The following EPB41L5 variants were observed in gnomAD, a reference collection of about 807,000 sequenced individuals.
The protein encoded by EPB41L5 is erythrocyte membrane protein band 4.1 like 5, also known as band 4.1-like protein 5.
EPB41L5 carries 55 observed loss-of-function variants against 106.6 expected under a neutral mutation model. That is an observed-to-expected ratio of 0.52 (90% CI 0.42 to 0.65). The LOEUF is 0.65. Ranked by LOEUF, EPB41L5 falls within the 30% of genes least tolerant of loss-of-function variation. EPB41L5 has a pLI of 0.00. For synonymous variants in EPB41L5, 297 were observed against 306.7 expected (o/e 0.97, Z 0.33); for missense variants, 871 against 882.1 (o/e 0.99, Z 0.16).
At chr2:120,029,336 T>A (rs1462876417) in intron 2 of EPB41L5, among the ~76,000 whole-genome samples, 1 of 152,168 alleles carries the variant, frequency 6.6e-6, no homozygotes, top group African/African-American at 2.4e-5. Context: ...CAGCTAATTT[T>A]TGTATTTTTA....
intron 14 of EPB41L5, among the ~76,000 whole-genome samples, chr2:120,096,885 C>T (rs1483455561): frequency 6.6e-6 from 1 of 152,070 alleles, no homozygotes; most frequent in Non-Finnish European, 1.5e-5. Flanking sequence ...GTCTTGCTTT[C>T]CTGAAAAGGA....
At chr2:120,085,110 C>T (rs1244417319) in intron 10 of EPB41L5, among the ~76,000 whole-genome samples, 1 of 152,048 alleles carries the variant, frequency 6.6e-6, no homozygotes, top group East Asian at 1.9e-4. Context: ...TCATCTGAAG[C>T]CTTCTCTCAA....
intron 19 of EPB41L5, among the ~76,000 whole-genome samples, chr2:120,144,523 A>T (rs934798221): frequency 2.0e-5 from 3 of 152,224 alleles, no homozygotes; most frequent in South Asian, 2.1e-4. Flanking sequence ...AAGTAAAGGG[A>T]TTTGATTTTA....
intron 16 of EPB41L5, among the ~76,000 whole-genome samples, chr2:120,107,637 G>C (rs1684527407): frequency 6.6e-6 from 1 of 152,130 alleles, no homozygotes; most frequent in African/African-American, 2.4e-5. Context: ...TGATTTGTCA[G>C]ATCCTTTCTA....
At chr2:120,116,701 T>A (rs977563993) in intron 16 of EPB41L5, among the ~76,000 whole-genome samples, 11 of 152,082 alleles carry the variant, frequency 7.2e-5, no homozygotes, top group Non-Finnish European at 1.3e-4. Flanking sequence ...TTATTTTTTT[T>A]TATTTTTTGT....
At chr2:120,116,896 GA>G (rs777719208) in intron 16 of EPB41L5, among the ~76,000 whole-genome samples, 4 of 152,020 alleles carry the variant, frequency 2.6e-5, no homozygotes. Context: ...GTGTGTTTGT[GA>G]AAACAGTACC....
chr2:120,104,282 T>C (rs1254726675), intron 16 of EPB41L5: 2 of 1,517,336 alleles, frequency 1.3e-6, no homozygotes, highest in South Asian at 1.3e-5. Context: ...GTCATGCAAG[T>C]TGATGGTATA....
intron 10 of EPB41L5, among the ~76,000 whole-genome samples, chr2:120,083,813 G>C (rs1415703708): frequency 6.6e-6 from 1 of 152,184 alleles, no homozygotes; most frequent in Non-Finnish European, 1.5e-5. Context: ...ATTTAGGATA[G>C]TTAGCTCTTC....
chr2:120,177,657 T>A lies in EPB41L5; in HGVS notation c.*2750T>A, dbSNP rs947504498. On this transcript the variant is annotated 3_prime_UTR_variant, in exon 25 of 25. Coordinates refer to ENST00000263713, the MANE Select transcript of EPB41L5 (RefSeq NM_020909.4). ...GTCATGGTCATTTCATTCCTACTCT[T>A]CAGGAGACACTGCTGAACAGAGGAA... 1.3e-5 allele frequency: 2 copies of A among 152,236 alleles called. No homozygotes were observed. The highest frequency in any genetic ancestry group is 2.9e-5 in the Non-Finnish European group (2 of 68,030). 9.4% of individuals were successfully genotyped at this position (152,236 alleles called of 1,614,324 possible).
At chr2:120,131,808 G>C in intron 18 of EPB41L5, 93 bp downstream of exon 18, 1 of 932,618 alleles carries the variant, frequency 1.1e-6, no homozygotes, top group East Asian at 2.5e-5. Context: ...TTTTTCTTTA[G>C]CTGGGAAATC....
intron 1 of EPB41L5, among the ~76,000 whole-genome samples, chr2:120,015,296 C>A (rs1467368640): frequency 6.6e-5 from 10 of 150,710 alleles, no homozygotes; most frequent in African/African-American, 2.4e-4. Flanking sequence ...CACTGCACTT[C>A]AGCCTGGGCA....
chr2:120,166,524 A>T (rs2105556138), intron 22 of EPB41L5, among the ~76,000 whole-genome samples: 1 of 151,570 alleles, frequency 6.6e-6, no homozygotes, highest in Admixed American at 6.6e-5. Flanking sequence ...AGCTCACTGC[A>T]ACCTCCGCCT....
chr2:120,014,148 GC>G (rs1463793582), intron 1 of EPB41L5, among the ~76,000 whole-genome samples: 2 of 152,164 alleles, frequency 1.3e-5, no homozygotes, highest in African/African-American at 2.4e-5. Flanking sequence ...ATGTTATATT[GC>G]TTTATCAAAA....
At chr2:120,089,352 C>T (rs1045235977) in intron 11 of EPB41L5, among the ~76,000 whole-genome samples, 4 of 152,002 alleles carry the variant, frequency 2.6e-5, no homozygotes, top group Non-Finnish European at 5.9e-5. Context: ...TCTTCTGGTA[C>T]CTGGTCACCA....
At chr2:120,071,904 G>A (rs1681895562) in intron 3 of EPB41L5, among the ~76,000 whole-genome samples, 1 of 152,138 alleles carries the variant, frequency 6.6e-6, no homozygotes, top group Non-Finnish European at 1.5e-5. Context: ...AAAAGCAGTG[G>A]CCACAAAAGC....
chr2:120,055,160 G>T (rs1042747487), intron 3 of EPB41L5, among the ~76,000 whole-genome samples: 1 of 150,718 alleles, frequency 6.6e-6, no homozygotes, highest in Non-Finnish European at 1.5e-5. Context: ...ACCATGCCCG[G>T]CCTGTTCCAT....
At chr2:120,048,135 C>G (rs982526735) in intron 3 of EPB41L5, among the ~76,000 whole-genome samples, 1 of 151,972 alleles carries the variant, frequency 6.6e-6, no homozygotes, top group African/African-American at 2.4e-5. Flanking sequence ...TTTGTTGTGT[C>G]TCTGCCAGGC....
At chr2:120,053,303 G>C (rs1277763622) in intron 3 of EPB41L5, among the ~76,000 whole-genome samples, 1 of 152,104 alleles carries the variant, frequency 6.6e-6, no homozygotes, top group Non-Finnish European at 1.5e-5. Context: ...GTTGGTTTTA[G>C]TTAGCATGAC....
chr2:120,015,603 C>G (rs1677462263), intron 1 of EPB41L5, among the ~76,000 whole-genome samples: 1 of 152,054 alleles, frequency 6.6e-6, no homozygotes, highest in South Asian at 2.1e-4. Context: ...TGATTTTTCA[C>G]TTAGAAATTT....
Sources: allele counts gnomAD v4.1 joint callset (sites outside exome capture counted in the v4.1 genomes callset), GRCh38; gene constraint gnomAD v4.1.1; transcripts MANE v1.5; gene names NCBI Gene and HGNC (gene_info 2026-07-23, HGNC 2026-07-21).